SCFD1: variants seen among roughly 807,000 people sequenced by gnomAD.
The protein encoded by SCFD1 is sec1 family domain-containing protein 1.
Under a neutral mutation model 103.2 loss-of-function variants are expected in SCFD1, and 37 were observed. The observed-to-expected ratio is 0.36, with a 90% CI of 0.28 to 0.47. The LOEUF (loss-of-function observed/expected upper bound fraction) is 0.47, where lower values mean the gene tolerates loss of function less well. SCFD1 is among the 20% of genes least tolerant of loss of function. The pLI, the probability that SCFD1 is intolerant of heterozygous loss-of-function variation, is 1.00. For synonymous variants in SCFD1, 264 were observed against 245.0 expected, an observed-to-expected ratio of 1.08 and a Z score of -0.73; for missense variants, 639 against 761.2, an observed-to-expected ratio of 0.84 and a Z score of 1.89.
At chr14:30,665,949 C>G (rs1594648292) in intron 10 of SCFD1, among the ~76,000 whole-genome samples, 1 of 152,250 alleles carries the variant, frequency 6.6e-6, no homozygotes, top group African/African-American at 2.4e-5. Context: ...GACTTAGACT[C>G]CCACACAATA....
rs1429287960 is a variant in SCFD1 at position 30,653,492 on chromosome 14, C to T, written c.759C>T (p.Phe253=). The part of the protein sequence containing the change: ...GDTLGAGQFS[F]QRPLLVLVDR... ...TTTTTTATATGTATATTTACAGCTTCCAGAGGCCCTTATTAGTCCTTGTTG... is the reference window on the plus strand; with the variant it reads ...TTTTTTATATGTATATTTACAGCTTTCAGAGGCCCTTATTAGTCCTTGTTG... Residue 253 remains phenylalanine, a synonymous_variant, in exon 10 of 25, where the codon TTC becomes TTT. Coordinates refer to ENST00000458591, the MANE Select transcript of SCFD1 (RefSeq NM_016106.4). The T allele has an allele frequency of 6.2e-7, 1 of 1,606,490 alleles. No individual in the cohort carries two copies. The highest frequency in any genetic ancestry group is 2.2e-5 in the East Asian group (1 of 44,800).
chr14:30,705,687 T>G, intron 17 of SCFD1, 136 bp from the exon 18 acceptor site: 1 of 631,996 alleles, frequency 1.6e-6, no homozygotes, highest in Non-Finnish European at 2.9e-6. Flanking sequence ...AGTGTACTTG[T>G]ATTCGTTGAA....
intron 22 of SCFD1, 86 bp downstream of exon 22, chr14:30,722,003 T>G: frequency 1.1e-6 from 1 of 909,828 alleles, no homozygotes. Context: ...CAAACATGGC[T>G]TTATGATGAT....
intron 17 of SCFD1, 27 bp downstream of exon 17, chr14:30,702,402 C>T: frequency 7.1e-7 from 1 of 1,405,364 alleles, no homozygotes; most frequent in Non-Finnish European, 9.9e-7. Flanking sequence ...TCTTTAATTC[C>T]TGTCATTTAA....
At position 30,639,832 on chromosome 14, in the gene SCFD1, G is replaced by A. The variant is rs1479202435; in HGVS notation, c.491G>A (p.Cys164Tyr). 4 of 1,580,730 alleles carry A rather than the reference G, an allele frequency of 2.5e-6. No individual in the cohort carries two copies. In the African/African-American group the frequency reaches 5.5e-5, roughly 22 times the overall value. ...ITLEDDMFVL[C>Y]NQNKELVSYR... Reference sequence around the variant, plus strand: ...TTGGAAGATGATATGTTTGTATTATGTAATCAAAATAAGGAGCTTGTTTCA... The same window carrying A: ...TTGGAAGATGATATGTTTGTATTATATAATCAAAATAAGGAGCTTGTTTCA... The change falls in exon 6 of 25, where the codon TGT becomes TAT. Residue 164 changes from cysteine to tyrosine, a missense_variant. Cys to Tyr is a radical substitution (Grantham distance 194). Transcript: ENST00000458591.
At chr14:30,667,378 A>G (rs1026331825) in intron 10 of SCFD1, among the ~76,000 whole-genome samples, 17 of 152,236 alleles carry the variant, frequency 1.1e-4, no homozygotes, top group African/African-American at 3.1e-4. Flanking sequence ...AAACCTCTCA[A>G]TAAATTAGGT....
At chr14:30,704,297 C>G (rs1211868097) in intron 17 of SCFD1, among the ~76,000 whole-genome samples, 1 of 152,000 alleles carries the variant, frequency 6.6e-6, no homozygotes, top group African/African-American at 2.4e-5. Flanking sequence ...TTTCAGCCTC[C>G]TTAGTAGCTA....
chr14:30,708,099 T>A, intron 19 of SCFD1, 34 bp downstream of exon 19: 5 of 1,376,764 alleles, frequency 3.6e-6, no homozygotes, highest in East Asian at 2.3e-5. Flanking sequence ...TACTGGTAAC[T>A]TTTAAACATA....
rs552765523 is a variant in SCFD1 at position 30,659,602 on chromosome 14, G to A, written c.855+6014G>A. Among the ~76,000 whole-genome samples the A allele has an allele frequency of 4.5e-4, 69 of 152,274 alleles. 1 individual carries two copies. The highest frequency in any genetic ancestry group is 1.9e-3 in the South Asian group (9 of 4,826). On this transcript the variant is annotated intron_variant, in intron 10 of 24. Coordinates refer to ENST00000458591, the MANE Select transcript of SCFD1 (RefSeq NM_016106.4). Reference sequence around the variant, plus strand: ...GTATCTGGTGGGTGGGAGGGTTCCAGCTCATGAGTCCTAGGGTTGTAAACA... The same window carrying A: ...GTATCTGGTGGGTGGGAGGGTTCCAACTCATGAGTCCTAGGGTTGTAAACA...
chr14:30,722,807 C>A, intron 23 of SCFD1: 1 of 258,810 alleles, frequency 3.9e-6, no homozygotes, highest in Non-Finnish European at 7.2e-6. Context: ...AGCTACCTGT[C>A]TTAATATAAC....
chr14:30,697,070 G>A (rs574138972), intron 15 of SCFD1, among the ~76,000 whole-genome samples: 1 of 152,086 alleles, frequency 6.6e-6, no homozygotes, highest in Non-Finnish European at 1.5e-5. Context: ...TGTATGTTGG[G>A]GGGGGCGGTG....
rs1886323179 is a variant in SCFD1, at chr14:30,650,716, C to CA, written c.755+66_755+67insA. The stretch of plus-strand genomic sequence containing the variant: ...TTTGTAGAGTTTTTTTGTTACTTTT[C>CA]TTGGCTGATAGAATATCCTTGTAAT... On this transcript the variant is annotated intron_variant, in intron 9 of 24. Coordinates refer to ENST00000458591, the MANE Select transcript of SCFD1 (RefSeq NM_016106.4). 4.2e-6 allele frequency: 4 copies of CA among 941,678 alleles called. No homozygotes were observed. The East Asian group carries it at 9.8e-5, about 23-fold the overall frequency. 58.3% of individuals were successfully genotyped at this position (941,678 alleles called of 1,614,324 possible).
intron 22 of SCFD1, among the ~76,000 whole-genome samples, chr14:30,722,214 T>A (rs1279012444): frequency 2.0e-5 from 3 of 152,154 alleles, no homozygotes; most frequent in Non-Finnish European, 4.4e-5. Context: ...CTGTTTTCAT[T>A]TGAAATACAA....
intron 14 of SCFD1, chr14:30,683,049 G>A: frequency 7.4e-7 from 1 of 1,356,100 alleles, no homozygotes; most frequent in Non-Finnish European, 1.0e-6. Flanking sequence ...CCTGGGTCAG[G>A]GCTCCTGACT....
intron 18 of SCFD1, 132 bp from the exon 19 acceptor site, chr14:30,707,857 GT>G: frequency 1.3e-6 from 1 of 756,094 alleles, no homozygotes; most frequent in Non-Finnish European, 2.5e-6. Context: ...AGACCCTTCT[GT>G]TTAGTGAAAA....
intron 10 of SCFD1, among the ~76,000 whole-genome samples, chr14:30,669,107 G>A (rs1271237420): frequency 2.0e-5 from 3 of 151,946 alleles, no homozygotes; most frequent in South Asian, 2.1e-4. Context: ...GAGAAAAATG[G>A]CAAGGAAATA....
intron 10 of SCFD1, among the ~76,000 whole-genome samples, chr14:30,660,534 G>C (rs1439884811): frequency 6.6e-6 from 1 of 151,956 alleles, no homozygotes; most frequent in Non-Finnish European, 1.5e-5. Flanking sequence ...GATAATTATT[G>C]CCTCTTTATT....
At chr14:30,678,099 A>T (rs1298893458) in intron 14 of SCFD1, among the ~76,000 whole-genome samples, 3 of 152,012 alleles carry the variant, frequency 2.0e-5, no homozygotes, top group Admixed American at 2.0e-4. Context: ...CGGCCCCGCG[A>T]AGTGCTGGGA....
At position 30,650,778 on chromosome 14, in the gene SCFD1, A is replaced by G. The variant is rs910285431; in HGVS notation, c.755+128A>G. 60 of 587,096 alleles carry G rather than the reference A, an allele frequency of 1.0e-4. 1 individual carries two copies. Among genetic ancestry groups the G allele is most frequent in the Non-Finnish European group, 2.1e-5 (7 of 329,500 alleles). The allele number at this position is 587,096 out of a possible 1,614,324, so 36.4% of individuals were successfully genotyped here. On this transcript the variant is annotated intron_variant, in intron 9 of 24. Transcript: ENST00000458591. ...TCTTTTTAATGAGCTAATCAGGATC[A>G]AGGTTTTGACTCATATTGTTCTTAA...
Sources: allele counts gnomAD v4.1 joint callset (sites outside exome capture counted in the v4.1 genomes callset), GRCh38; gene constraint gnomAD v4.1.1; transcripts MANE v1.5; gene names NCBI Gene and HGNC (gene_info 2026-07-23, HGNC 2026-07-21).